The following NR3C1 variants were observed in gnomAD, a reference collection of about 807,000 sequenced individuals.
NR3C1 encodes the protein glucocorticoid receptor.
A neutral mutation model predicts 74.0 loss-of-function variants in NR3C1; 14 were observed. That is an observed-to-expected ratio of 0.19 (90% CI 0.12 to 0.30). The LOEUF (loss-of-function observed/expected upper bound fraction) is 0.30. NR3C1 is among the 10% of genes least tolerant of loss of function. The pLI is 1.00. For synonymous variants in NR3C1, 308 were observed against 332.5 expected (o/e 0.93, Z 0.80); for missense variants, 695 against 909.8 (o/e 0.76, Z 3.04).
upstream of NR3C1, chr5:143,406,906 TAACAC>T (rs1326004093): frequency 1.3e-5 from 2 of 152,218 alleles, no homozygotes; most frequent in African/African-American, 4.8e-5. Context: ...ATTATAATAA[TAACAC>T]AATTCTAACG....
chr5:143,338,732 G>C (rs1198527205), intron 2 of NR3C1, among the ~76,000 whole-genome samples: 1 of 152,024 alleles, frequency 6.6e-6, no homozygotes, highest in African/African-American at 2.4e-5. Flanking sequence ...GTAGGCTAAG[G>C]TTAATTTATT....
intron 4 of NR3C1, among the ~76,000 whole-genome samples, chr5:143,308,071 T>G (rs750578035): frequency 6.6e-6 from 1 of 152,190 alleles, no homozygotes; most frequent in Non-Finnish European, 1.5e-5. Flanking sequence ...GGAATTAGAC[T>G]CTTCATAGTC....
intron 2 of NR3C1, among the ~76,000 whole-genome samples, chr5:143,354,473 T>A (rs1480391373): frequency 6.6e-6 from 1 of 152,172 alleles, no homozygotes; most frequent in East Asian, 1.9e-4. Flanking sequence ...GTAGGGTTAT[T>A]AATTAGCTTA....
chr5:143,359,270 A>G (rs980189919), intron 2 of NR3C1, among the ~76,000 whole-genome samples: 3 of 152,222 alleles, frequency 2.0e-5, no homozygotes, highest in East Asian at 1.9e-4. Context: ...AGACTGTAAC[A>G]TATGTCTCAC....
chr5:143,427,532 T>C (rs1296409482), intron 1 of NR3C1, among the ~76,000 whole-genome samples: 1 of 152,154 alleles, frequency 6.6e-6, no homozygotes, highest in African/African-American at 2.4e-5. Flanking sequence ...AATTATAGGA[T>C]TTGGGAATTC....
intron 2 of NR3C1, among the ~76,000 whole-genome samples, chr5:143,391,042 T>TA (rs1412698137): frequency 1.5e-4 from 23 of 149,432 alleles, no homozygotes; most frequent in East Asian, 5.8e-4. Context: ...TTTTCTGTTT[T>TA]AAAAAAAAAA....
In NR3C1 at chr5:143,403,297, G is replaced by A. The variant is rs969497820; in HGVS notation, c.-100C>T. On this transcript the variant is annotated 5_prime_UTR_variant, in exon 1 of 9. Transcript: ENST00000394464. The stretch of plus-strand genomic sequence containing the variant: ...AACTTAGCTTGTGAACGCAGAAGGA[G>A]CAGGAGGGAAATATATTTTTTTTTT... 7 of 984,600 alleles carry A rather than the reference G, an allele frequency of 7.1e-6. No individual in the cohort carries two copies. Among genetic ancestry groups the A allele is most frequent in the Admixed American group, 1.2e-4 (2 of 16,272 alleles). The allele number at this position is 984,600 out of a possible 1,614,324, so 61.0% of individuals were successfully genotyped here.
At chr5:143,331,896 T>C (rs1306076995) in intron 2 of NR3C1, among the ~76,000 whole-genome samples, 1 of 152,150 alleles carries the variant, frequency 6.6e-6, no homozygotes, top group Non-Finnish European at 1.5e-5. Flanking sequence ...TTTGCCTATA[T>C]AACAAACCTG....
intron 2 of NR3C1, among the ~76,000 whole-genome samples, chr5:143,320,962 C>T (rs1408495237): frequency 1.3e-5 from 2 of 152,168 alleles, no homozygotes; most frequent in Non-Finnish European, 2.9e-5. Context: ...AATAATAGTA[C>T]ATTGAATGGT....
chr5:143,322,559 C>T (rs1429767502), intron 2 of NR3C1, among the ~76,000 whole-genome samples: 1 of 152,120 alleles, frequency 6.6e-6, no homozygotes, highest in East Asian at 1.9e-4. Context: ...AACTGTGTGA[C>T]GATCTGTGTC....
intron 1 of NR3C1, among the ~76,000 whole-genome samples, chr5:143,410,151 G>C (rs1841244405): frequency 6.6e-6 from 1 of 152,128 alleles, no homozygotes; most frequent in South Asian, 2.1e-4. Flanking sequence ...GGCATTTGTG[G>C]CTCCTCATAT....
chr5:143,282,453 C>T, intron 8 of NR3C1, 115 bp downstream of exon 8: 1 of 1,185,370 alleles, frequency 8.4e-7, no homozygotes, highest in Non-Finnish European at 1.2e-6. Flanking sequence ...CTATCACCAA[C>T]ATCCACAAAC....
intron 1 of NR3C1, among the ~76,000 whole-genome samples, chr5:143,411,897 A>G (rs547702136): frequency 1.3e-5 from 2 of 152,062 alleles, no homozygotes; most frequent in Non-Finnish European, 2.9e-5. Flanking sequence ...AGACAGGCAC[A>G]TTGGCCCAAG....
At chr5:143,325,184 G>T (rs1189122358) in intron 2 of NR3C1, among the ~76,000 whole-genome samples, 1 of 152,100 alleles carries the variant, frequency 6.6e-6, no homozygotes, top group African/African-American at 2.4e-5. Context: ...CCAAAACTGG[G>T]AACAAAAAGA....
chr5:143,284,741 GACA>G (rs1813947541), intron 7 of NR3C1, among the ~76,000 whole-genome samples: 1 of 151,774 alleles, frequency 6.6e-6, no homozygotes, highest in Non-Finnish European at 1.5e-5. Context: ...TGGAAAACTG[GACA>G]ACAAGCAATA....
Position 143,336,770 on chromosome 5 carries a change from A to C in NR3C1, c.1185-22602T>G, listed in dbSNP as rs925981934. 2.3e-4 allele frequency among the ~76,000 whole-genome samples: 34 copies of C among 149,058 alleles called. 1 individual carries two copies. The highest frequency in any genetic ancestry group is 8.0e-4 in the African/African-American group (33 of 41,022). ...GCAGATCACTTGACGTGAGGAGTTC[A>C]AGTGAGGAGTTCAAGTCCAGCCTGT... is the stretch of plus-strand genomic sequence containing the variant. On this transcript the variant is annotated intron_variant, in intron 2 of 8. Coordinates refer to ENST00000394464, the MANE Select transcript of NR3C1 (RefSeq NM_000176.3).
At chr5:143,287,705 A>G (rs376817345) in intron 7 of NR3C1, among the ~76,000 whole-genome samples, 2 of 152,318 alleles carry the variant, frequency 1.3e-5, no homozygotes, top group African/African-American at 4.8e-5. Flanking sequence ...ACAAGAAAAG[A>G]AAGTTGTAGA....
intron 4 of NR3C1, among the ~76,000 whole-genome samples, chr5:143,307,314 C>T (rs1396071547): frequency 2.0e-5 from 3 of 152,058 alleles, no homozygotes; most frequent in Admixed American, 6.5e-5. Flanking sequence ...TGCCTGGGGT[C>T]GTCTTCTAGT....
chr5:143,314,621 T>C (rs1472705398), intron 2 of NR3C1, among the ~76,000 whole-genome samples: 1 of 152,186 alleles, frequency 6.6e-6, no homozygotes, highest in African/African-American at 2.4e-5. Context: ...CTTTAATTGC[T>C]TAGGCCATAA....
Sources: allele counts gnomAD v4.1 joint callset (sites outside exome capture counted in the v4.1 genomes callset), GRCh38; gene constraint gnomAD v4.1.1; transcripts MANE v1.5; gene names NCBI Gene and HGNC (gene_info 2026-07-23, HGNC 2026-07-21).